The following LDLRAD4 variants were observed in gnomAD, a reference collection of about 807,000 sequenced individuals.
LDLRAD4 encodes low-density lipoprotein receptor class A domain-containing protein 4.
In LDLRAD4, 5 loss-of-function variants were observed where a neutral mutation model predicts 17.0. The observed-to-expected ratio is 0.29, with a 90% CI of 0.15 to 0.62. The LOEUF is 0.62. Among genes scored for constraint, LDLRAD4 ranks in the 20% least tolerant of loss-of-function variants. The pLI is 0.84. For synonymous variants in LDLRAD4, 168 were observed against 171.8 expected (o/e 0.98, Z 0.17); for missense variants, 340 against 424.7 (o/e 0.80, Z 1.75).
chr18:13,272,391 G>T (rs1366810959), intron 1 of LDLRAD4, among the ~76,000 whole-genome samples: 4 of 152,240 alleles, frequency 2.6e-5, no homozygotes, highest in Non-Finnish European at 5.9e-5. Flanking sequence ...TTGCCGGGTG[G>T]CCATCGCCAT....
intron 1 of LDLRAD4, among the ~76,000 whole-genome samples, chr18:13,352,442 C>A (rs2083098721): frequency 1.3e-5 from 2 of 152,144 alleles, no homozygotes; most frequent in South Asian, 4.1e-4. Flanking sequence ...CTTTGGGCTG[C>A]TGGGTTTCTG....
intron 2 of LDLRAD4, among the ~76,000 whole-genome samples, chr18:13,423,996 G>A (rs4797771): frequency 0.93 from 141,395 of 152,132 alleles, 66,633 homozygotes; most frequent in East Asian, 1. Flanking sequence ...TCAGCCGGGC[G>A]TGGTGGCATG....
chr18:13,365,448 T>G (rs1009768473), intron 1 of LDLRAD4, among the ~76,000 whole-genome samples: 1 of 152,236 alleles, frequency 6.6e-6, no homozygotes, highest in Non-Finnish European at 1.5e-5. Context: ...TGTAGTGCGC[T>G]GTGAGAGTGG....
intron 4 of LDLRAD4, among the ~76,000 whole-genome samples, chr18:13,641,332 T>C (rs181510652): frequency 3.9e-5 from 6 of 152,238 alleles, no homozygotes; most frequent in Admixed American, 3.9e-4. Flanking sequence ...GATATTTAGA[T>C]AGATAGCCTA....
chr18:13,362,096 C>T (rs967623476), intron 1 of LDLRAD4: 1 of 152,068 alleles, frequency 6.6e-6, no homozygotes, highest in African/African-American at 2.4e-5. Context: ...TGGAAGGTAA[C>T]ACAAGCAGAG....
intron 1 of LDLRAD4, among the ~76,000 whole-genome samples, chr18:13,286,017 A>G (rs895745094): frequency 6.6e-6 from 1 of 152,206 alleles, no homozygotes; most frequent in Non-Finnish European, 1.5e-5. Flanking sequence ...TTGTGCAACC[A>G]TCACCACCAT....
intron 3 of LDLRAD4, among the ~76,000 whole-genome samples, chr18:13,506,726 A>G (rs2093700024): frequency 1.3e-5 from 2 of 152,224 alleles, no homozygotes; most frequent in South Asian, 4.1e-4. Context: ...GCCTGGCCTC[A>G]CAGCTTCAAA....
At chr18:13,252,003 A>T (rs1042470675) in intron 1 of LDLRAD4, among the ~76,000 whole-genome samples, 2 of 152,238 alleles carry the variant, frequency 1.3e-5, no homozygotes, top group African/African-American at 4.8e-5. Flanking sequence ...AATGTCATTT[A>T]TATGGTTCTG....
Position 13,645,169 on chromosome 18 carries a change from T to C in LDLRAD4, c.433T>C (p.Ser145Pro). The stretch of plus-strand genomic sequence containing the variant: ...GTCCAGGGACAGGTTCACAGCGCCG[T>C]CCTTCATCCAGAGGGATCGCTTCAG... Residue 145 changes from serine (S) to proline (P), a missense_variant, in exon 6 of 6, where the codon TCC becomes CCC. Physicochemically the swap from Ser to Pro is moderately conservative, Grantham distance 74 (BLOSUM62 -1). Transcript: ENST00000359446. This position sits in a 1 kb window ranked among gnomAD's most constrained non-coding sequence, Gnocchi z 5.7. 6.2e-7 allele frequency: 1 copy of C among 1,613,936 alleles called. No individual in the cohort carries two copies.
chr18:13,346,371 A>G (rs1032686290), intron 1 of LDLRAD4, among the ~76,000 whole-genome samples: 13 of 152,102 alleles, frequency 8.5e-5, no homozygotes, highest in African/African-American at 3.1e-4. Context: ...TTCAGTTTCC[A>G]TGTAGTTGAG....
intron 3 of LDLRAD4, among the ~76,000 whole-genome samples, chr18:13,609,525 G>A (rs1468273950): frequency 1.4e-5 from 1 of 69,570 alleles, no homozygotes; most frequent in Non-Finnish European, 3.6e-5. Context: ...ATGCGTGTGT[G>A]TGTGCGTGTG....
intron 2 of LDLRAD4, among the ~76,000 whole-genome samples, chr18:13,437,614 C>T (rs1206891589): frequency 6.6e-6 from 1 of 152,144 alleles, no homozygotes; most frequent in Non-Finnish European, 1.5e-5. Context: ...CCAGCATGGC[C>T]CTTTAGCAGA....
At chr18:13,238,532 T>A (rs1028883704) in intron 1 of LDLRAD4, among the ~76,000 whole-genome samples, 2 of 152,170 alleles carry the variant, frequency 1.3e-5, no homozygotes, top group Non-Finnish European at 1.5e-5. Flanking sequence ...ATAAGCTGGG[T>A]TATTTTGGAG....
In LDLRAD4 at chr18:13,428,366, C is replaced by A. The variant is rs193290110; in HGVS notation, c.41-9878C>A. Among the ~76,000 whole-genome samples the A allele has an allele frequency of 3.2e-3, 486 of 152,146 alleles. 4 individuals are homozygous for A. Among genetic ancestry groups the A allele is most frequent in the African/African-American group, 0.011 (463 of 41,496 alleles). On this transcript the variant is annotated intron_variant, in intron 2 of 5. Coordinates refer to ENST00000359446, the Ensembl canonical transcript of LDLRAD4. The stretch of plus-strand genomic sequence containing the variant: ...AGAGGAGCAGCAGGTATGGATGAGC[C>A]CTGTGTGCAGGGAGCAGCGAGGAGG...
chr18:13,441,368 C>T, intron 3 of LDLRAD4, among the ~76,000 whole-genome samples: 1 of 152,224 alleles, frequency 6.6e-6, no homozygotes, highest in East Asian at 1.9e-4. Context: ...CCTTCCTCTC[C>T]ACCTGGACGG....
intron 1 of LDLRAD4, among the ~76,000 whole-genome samples, chr18:13,272,500 C>T (rs1180000419): frequency 6.6e-6 from 1 of 152,248 alleles, no homozygotes; most frequent in East Asian, 1.9e-4. Flanking sequence ...CACTCAAACA[C>T]AGCGAGACAG....
At chr18:13,531,217 A>T (rs1267789914) in intron 3 of LDLRAD4, among the ~76,000 whole-genome samples, 2 of 152,202 alleles carry the variant, frequency 1.3e-5, no homozygotes, top group Non-Finnish European at 2.9e-5. Context: ...ATTAAGTCAC[A>T]TGCTTGATGT....
chr18:13,229,237 G>T (rs2041952219), intron 1 of LDLRAD4, among the ~76,000 whole-genome samples: 1 of 152,206 alleles, frequency 6.6e-6, no homozygotes, highest in Non-Finnish European at 1.5e-5. Flanking sequence ...ATGGGCAGTT[G>T]CTCAGTTATC....
chr18:13,636,064 T>C (rs2042056033), intron 4 of LDLRAD4, among the ~76,000 whole-genome samples: 1 of 152,116 alleles, frequency 6.6e-6, no homozygotes, highest in Admixed American at 6.5e-5. Flanking sequence ...CACAGCCTTA[T>C]AGACCCCAAA....
Sources: gnomAD v4.1 joint callset for allele counts (sites outside exome capture counted in the v4.1 genomes callset) on GRCh38, gnomAD v4.1.1 for gene constraint, Gnocchi (gnomAD v3.1) non-coding constraint, MANE v1.5 for transcripts, NCBI Gene and HGNC (gene_info 2026-07-23, HGNC 2026-07-21) for gene names.